TRDN: variants seen among roughly 807,000 people sequenced by gnomAD.
TRDN encodes the protein triadin in skeletal muscle.
TRDN carries 161 observed loss-of-function variants against 149.7 expected under a neutral mutation model. That is an observed-to-expected ratio of 1.08 (90% CI 0.95 to 1.23). The LOEUF is 1.23. TRDN is among the 50% of genes most tolerant of loss of function. The pLI, the probability that TRDN is intolerant of heterozygous loss-of-function variation, is 0.00. For missense variants in TRDN, 896 were observed against 823.5 expected (o/e 1.09, Z -1.08); for synonymous variants, 294 against 250.5 (o/e 1.17, Z -1.64).
chr6:123,543,127 C>T (rs1780933639), intron 4 of TRDN, among the ~76,000 whole-genome samples: 1 of 152,026 alleles, frequency 6.6e-6, no homozygotes, highest in Admixed American at 6.6e-5. Context: ...ATCATGTATT[C>T]ATTAAATTTT....
intron 2 of TRDN, among the ~76,000 whole-genome samples, chr6:123,560,193 G>A (rs1193018727): frequency 6.6e-6 from 1 of 152,108 alleles, no homozygotes; most frequent in Non-Finnish European, 1.5e-5. Context: ...ACTCTCTACA[G>A]TTCTCATAAC....
rs375107997 is a variant in TRDN at position 123,487,309 on chromosome 6, A to T, written c.853+9884T>A. The stretch of plus-strand genomic sequence containing the variant: ...TGGTCCTCCTTTAAGTCTAGATCTC[A>T]TTTAAGTATCCACCACATATGTGAA... On this transcript the variant is annotated intron_variant, in intron 9 of 40. Transcript: ENST00000334268. 3.4e-4 allele frequency among the ~76,000 whole-genome samples: 52 copies of T among 152,166 alleles called. No individual in the cohort carries two copies. In the East Asian group the frequency reaches 7.1e-3, roughly 21 times the overall value.
In TRDN at chr6:123,218,710, A is replaced by G. The variant is rs768858868; in HGVS notation, c.2081T>C (p.Leu694Ser). The G allele has an allele frequency of 1.3e-6, 2 of 1,586,542 alleles. No homozygotes were observed. Among genetic ancestry groups the G allele is most frequent in the Non-Finnish European group, 1.7e-6 (2 of 1,164,222 alleles). Residue 694 changes from leucine to serine, a missense_variant, in exon 41 of 41, where the codon TTG becomes TCG. Transcript: ENST00000334268. ...SPISFFQCVYLDGYNGYGFQF... is the reference protein window; with the variant it reads ...SPISFFQCVYSDGYNGYGFQF... ...AAATCCATAGCCATTGTACCCATCC[A>G]AGTAGACACACTGGAAGAAACTGAT...
chr6:123,607,210 T>G (rs967194011), intron 1 of TRDN, among the ~76,000 whole-genome samples: 3 of 152,216 alleles, frequency 2.0e-5, no homozygotes, highest in Admixed American at 6.6e-5. Context: ...GCTTCCATTA[T>G]GAGGTACATG....
chr6:123,288,159 T>C (rs752592187), intron 24 of TRDN, among the ~76,000 whole-genome samples: 7 of 152,060 alleles, frequency 4.6e-5, no homozygotes, highest in Non-Finnish European at 7.4e-5. Context: ...ATCTCTTTAA[T>C]AAACAGTGCC....
intron 38 of TRDN, among the ~76,000 whole-genome samples, chr6:123,241,359 A>G (rs1775981896): frequency 6.6e-6 from 1 of 151,422 alleles, no homozygotes; most frequent in Non-Finnish European, 1.5e-5. Flanking sequence ...GACGTAAGAT[A>G]CACTAAACAT....
intron 9 of TRDN, among the ~76,000 whole-genome samples, chr6:123,467,318 TAA>T (rs66481683): frequency 4.1e-4 from 55 of 134,870 alleles, no homozygotes; most frequent in Middle Eastern, 4.0e-3. Context: ...TGTGGTAAAT[TAA>T]AAAAAAAAAA....
At chr6:123,549,438 A>G (rs1781278695) in intron 2 of TRDN, among the ~76,000 whole-genome samples, 1 of 152,036 alleles carries the variant, frequency 6.6e-6, no homozygotes, top group African/African-American at 2.4e-5. Flanking sequence ...ATTGCATCTG[A>G]TTTTTTATCA....
intron 24 of TRDN, among the ~76,000 whole-genome samples, chr6:123,314,183 G>C (rs1027416212): frequency 1.3e-5 from 2 of 151,846 alleles, no homozygotes; most frequent in African/African-American, 4.8e-5. Context: ...TAAAAAGTGG[G>C]CAAAATACAT....
chr6:123,391,470 G>C (rs1403436418), intron 13 of TRDN, among the ~76,000 whole-genome samples: 1 of 151,716 alleles, frequency 6.6e-6, no homozygotes, highest in Admixed American at 6.6e-5. Flanking sequence ...CATCCTAGTT[G>C]AGGTTATTGT....
At chr6:123,313,288 TTCA>T (rs1778901310) in intron 24 of TRDN, among the ~76,000 whole-genome samples, 1 of 151,984 alleles carries the variant, frequency 6.6e-6, no homozygotes, top group South Asian at 2.1e-4. Context: ...CTTCTGTCAT[TTCA>T]GCCATCTCAG....
intron 12 of TRDN, among the ~76,000 whole-genome samples, chr6:123,423,281 T>G (rs1773986024): frequency 6.6e-6 from 1 of 152,162 alleles, no homozygotes; most frequent in African/African-American, 2.4e-5. Flanking sequence ...GTTATAAAAA[T>G]TTTGAAATTT....
chr6:123,309,139 T>C (rs919360990), intron 24 of TRDN, among the ~76,000 whole-genome samples: 5 of 152,048 alleles, frequency 3.3e-5, no homozygotes, highest in Admixed American at 2.0e-4. Flanking sequence ...CATGCCATTA[T>C]GACTAACAAT....
intron 9 of TRDN, among the ~76,000 whole-genome samples, chr6:123,490,402 A>G (rs1778163950): frequency 6.6e-6 from 1 of 152,202 alleles, no homozygotes. Flanking sequence ...GGTGGAATAG[A>G]GCGTGATAAC....
At chr6:123,281,601 A>G (rs934233965) in intron 24 of TRDN, among the ~76,000 whole-genome samples, 1 of 152,094 alleles carries the variant, frequency 6.6e-6, no homozygotes, top group African/African-American at 2.4e-5. Context: ...ACATGAATGG[A>G]AACACCAAAA....
intron 2 of TRDN, among the ~76,000 whole-genome samples, chr6:123,552,332 G>A (rs1535355): frequency 0.81 from 122,941 of 152,088 alleles, 49,866 homozygotes; most frequent in East Asian, 0.92. Context: ...TAAACTATGC[G>A]TGTACTTAAG....
At chr6:123,551,602 G>A (rs1451703966) in intron 2 of TRDN, among the ~76,000 whole-genome samples, 2 of 151,914 alleles carry the variant, frequency 1.3e-5, no homozygotes, top group Non-Finnish European at 2.9e-5. Context: ...AAAAATAACA[G>A]TCAGACACCA....
intron 5 of TRDN, among the ~76,000 whole-genome samples, chr6:123,520,803 A>G (rs2114281378): frequency 6.6e-6 from 1 of 152,284 alleles, no homozygotes; most frequent in Admixed American, 6.5e-5. Flanking sequence ...GGACACTGTG[A>G]TGCATAGCTT....
chr6:123,326,691 A>G (rs954100191), intron 23 of TRDN, among the ~76,000 whole-genome samples: 6 of 152,050 alleles, frequency 3.9e-5, no homozygotes, highest in Non-Finnish European at 7.4e-5. Context: ...ATAAATTGTT[A>G]GTCCACATTA....
Sources: gnomAD v4.1 joint callset for allele counts (sites outside exome capture counted in the v4.1 genomes callset) on GRCh38, gnomAD v4.1.1 for gene constraint, MANE v1.5 for transcripts, NCBI Gene and HGNC (gene_info 2026-07-23, HGNC 2026-07-21) for gene names.